The following TAFA1 variants were observed in gnomAD, a reference collection of about 807,000 sequenced individuals.
TAFA1 encodes chemokine-like protein TAFA-1.
Under a neutral mutation model 18.5 loss-of-function variants are expected in TAFA1, and 4 were observed. The observed-to-expected ratio is 0.22, with a 90% confidence interval of 0.11 to 0.49. The LOEUF (loss-of-function observed/expected upper bound fraction) is 0.49, where lower values mean the gene tolerates loss of function less well. Among genes scored for constraint, TAFA1 ranks in the 20% least tolerant of loss-of-function variants. TAFA1 has a pLI of 0.98. For synonymous variants in TAFA1, 56 were observed against 55.2 expected (o/e 1.01, Z -0.06); for missense variants, 147 against 169.0 (o/e 0.87, Z 0.72).
At chr3:68,542,816 A>C (rs571059881) in intron 4 of TAFA1, among the ~76,000 whole-genome samples, 34 of 152,286 alleles carry the variant, frequency 2.2e-4, no homozygotes, top group African/African-American at 8.2e-4. Flanking sequence ...CACCATTTAC[A>C]TGTGGGAAGG....
chr3:68,311,936 C>T (rs2068527159), intron 2 of TAFA1, among the ~76,000 whole-genome samples: 1 of 152,232 alleles, frequency 6.6e-6, no homozygotes, highest in Admixed American at 6.5e-5. Context: ...CAAACTTCTG[C>T]CTAGGCATCC....
chr3:68,022,409 C>T (rs898565980), intron 2 of TAFA1, among the ~76,000 whole-genome samples: 1 of 152,112 alleles, frequency 6.6e-6, no homozygotes, highest in Non-Finnish European at 1.5e-5. Flanking sequence ...ACATTCTTGT[C>T]TTTCTACTAT....
intron 2 of TAFA1, among the ~76,000 whole-genome samples, chr3:68,412,206 TC>T (rs1019724765): frequency 6.6e-6 from 1 of 152,104 alleles, no homozygotes; most frequent in African/African-American, 2.4e-5. Flanking sequence ...ACCATGCTCT[TC>T]CTTTTTCAAA....
chr3:68,420,622 T>G (rs1053227089), intron 3 of TAFA1, among the ~76,000 whole-genome samples: 3 of 152,118 alleles, frequency 2.0e-5, no homozygotes, highest in Admixed American at 2.0e-4. Context: ...TTTGGTAATG[T>G]CTGGAGATAT....
intron 2 of TAFA1, among the ~76,000 whole-genome samples, chr3:68,018,738 C>T (rs915795160): frequency 3.3e-5 from 5 of 152,206 alleles, no homozygotes; most frequent in Non-Finnish European, 5.9e-5. Context: ...ACAATATCCT[C>T]ATGAGGTAGA....
chr3:68,233,205 A>AT (rs544243705), intron 2 of TAFA1, among the ~76,000 whole-genome samples: 105 of 151,562 alleles, frequency 6.9e-4, no homozygotes, highest in African/African-American at 2.2e-3. Flanking sequence ...AGTTTATTTA[A>AT]TTTTTTTTAT....
intron 2 of TAFA1, among the ~76,000 whole-genome samples, chr3:68,074,134 T>C (rs567082487): frequency 7.3e-4 from 111 of 152,286 alleles, no homozygotes; most frequent in African/African-American, 2.4e-3. Context: ...GATTGCACAA[T>C]CTAGATCTCA....
At chr3:68,357,381 G>GAA (rs11425432) in intron 2 of TAFA1, among the ~76,000 whole-genome samples, 69 of 150,900 alleles carry the variant, frequency 4.6e-4, no homozygotes, top group African/African-American at 1.1e-3. Flanking sequence ...TTTGTTTTCA[G>GAA]AAAAAAAAAC....
chr3:68,327,043 C>G (rs572907203), intron 2 of TAFA1, among the ~76,000 whole-genome samples: 12 of 152,256 alleles, frequency 7.9e-5, no homozygotes, highest in African/African-American at 2.9e-4. Context: ...CTTTCCTGTG[C>G]TATTCTAGTG....
At chr3:68,311,897 G>A (rs1229444642) in intron 2 of TAFA1, among the ~76,000 whole-genome samples, 2 of 152,202 alleles carry the variant, frequency 1.3e-5, no homozygotes, top group East Asian at 1.9e-4. Context: ...CCCTAGCAGA[G>A]GTTCTCCATG....
chr3:68,260,547 G>A (rs1211582351), intron 2 of TAFA1, among the ~76,000 whole-genome samples: 3 of 152,128 alleles, frequency 2.0e-5, no homozygotes, highest in Non-Finnish European at 2.9e-5. Context: ...AACCAAAACA[G>A]CATGGTACTG....
At chr3:68,376,825 C>G (rs1011220385) in intron 2 of TAFA1, among the ~76,000 whole-genome samples, 7 of 152,124 alleles carry the variant, frequency 4.6e-5, no homozygotes, top group Non-Finnish European at 7.4e-5. Flanking sequence ...AATTGTAATT[C>G]CCACATGTTG....
Position 68,177,024 on chromosome 3 carries a change from C to T in TAFA1, c.118+170280C>T, listed in dbSNP as rs117457002. 4.7e-3 allele frequency among the ~76,000 whole-genome samples: 715 copies of T among 151,838 alleles called. 28 individuals carry two copies. In the East Asian group the frequency reaches 0.092, roughly 20 times the overall value. ...GATCATCGAGAACTGGTATTTTCAC[C>T]GAAGTCTTCATAGACCTTACTGAAA... On this transcript the variant is annotated intron_variant, in intron 2 of 4. Coordinates refer to ENST00000478136, the MANE Select transcript of TAFA1 (RefSeq NM_213609.4).
At chr3:68,487,735 G>A (rs1011223920) in intron 3 of TAFA1, among the ~76,000 whole-genome samples, 1 of 133,164 alleles carries the variant, frequency 7.5e-6, no homozygotes. Context: ...CTGGGGGACA[G>A]AGCGAAACTC....
intron 2 of TAFA1, among the ~76,000 whole-genome samples, chr3:68,329,193 T>A (rs1300105163): frequency 3.5e-5 from 5 of 142,786 alleles, no homozygotes; most frequent in Non-Finnish European, 7.6e-5. Context: ...GGATTACAGG[T>A]GTGCACAACC....
At chr3:68,482,420 T>C (rs2072254597) in intron 3 of TAFA1, among the ~76,000 whole-genome samples, 1 of 152,078 alleles carries the variant, frequency 6.6e-6, no homozygotes, top group Non-Finnish European at 1.5e-5. Context: ...TAACCAATGA[T>C]TACCACATGG....
intron 3 of TAFA1, among the ~76,000 whole-genome samples, chr3:68,493,880 T>C (rs1186635365): frequency 6.6e-6 from 1 of 152,206 alleles, no homozygotes; most frequent in Non-Finnish European, 1.5e-5. Flanking sequence ...GGAATTTGTA[T>C]TGACCCTTTC....
chr3:68,125,718 C>T (rs1345378916), intron 2 of TAFA1, among the ~76,000 whole-genome samples: 1 of 152,166 alleles, frequency 6.6e-6, no homozygotes, highest in Non-Finnish European at 1.5e-5. Context: ...CTCATTTTAG[C>T]CACTGCTGTG....
intron 2 of TAFA1, among the ~76,000 whole-genome samples, chr3:68,333,609 CT>C (rs1455024992): frequency 1.3e-5 from 2 of 152,142 alleles, no homozygotes; most frequent in Non-Finnish European, 2.9e-5. Context: ...ACATGTACCC[CT>C]GAACCTAAAA....
Sources: gnomAD v4.1 joint callset for allele counts (sites outside exome capture counted in the v4.1 genomes callset) on GRCh38, gnomAD v4.1.1 for gene constraint, MANE v1.5 for transcripts, NCBI Gene and HGNC (gene_info 2026-07-23, HGNC 2026-07-21) for gene names.